The following IL1RAPL1 variants were observed in gnomAD, a reference collection of about 807,000 sequenced individuals.
IL1RAPL1 encodes the protein interleukin 1 receptor accessory protein like 1.
In IL1RAPL1, 3 loss-of-function variants were observed where a neutral mutation model predicts 48.4. That is an observed-to-expected ratio of 0.06 (90% CI 0.03 to 0.16). The LOEUF is 0.16. IL1RAPL1 is among the 10% of genes least tolerant of loss of function. The probability of loss-of-function intolerance (pLI) is 1.00; values close to 1 mark genes in which losing one functional copy is unlikely to be tolerated. For synonymous variants in IL1RAPL1, 185 were observed against 187.7 expected, an observed-to-expected ratio of 0.99 and a Z score of 0.12; for missense variants, 349 against 530.6, an observed-to-expected ratio of 0.66 and a Z score of 3.36.
chrX:29,881,261 G>C (rs1932025315), intron 6 of IL1RAPL1, among the ~76,000 whole-genome samples: 2 of 111,306 alleles, frequency 1.8e-5, no homozygotes, highest in Admixed American at 9.6e-5. Context: ...CCACCAAGCT[G>C]TCAGGGAGCA....
chrX:29,779,274 A>G (rs1253064410), intron 6 of IL1RAPL1, among the ~76,000 whole-genome samples: 2 of 111,518 alleles, frequency 1.8e-5, no homozygotes, highest in African/African-American at 6.5e-5. Flanking sequence ...TCAATTTACA[A>G]ACTGGGATTC....
chrX:29,319,156 G>GTCTA (rs1399121646), intron 3 of IL1RAPL1, among the ~76,000 whole-genome samples: 28 of 53,340 alleles, frequency 5.2e-4, no homozygotes, highest in African/African-American at 1.8e-3. Flanking sequence ...CTGTCTATCT[G>GTCTA]TCTGTCTATC....
At chrX:28,753,542 A>G (rs1353009288) in intron 1 of IL1RAPL1, among the ~76,000 whole-genome samples, 1 of 112,402 alleles carries the variant, frequency 8.9e-6, no homozygotes, top group Non-Finnish European at 1.9e-5. Flanking sequence ...TTAATAATGC[A>G]TCGTATAATC....
chrX:29,325,483 A>G (rs947682918), intron 3 of IL1RAPL1, among the ~76,000 whole-genome samples: 13 of 112,142 alleles, frequency 1.2e-4, no homozygotes, highest in Non-Finnish European at 2.3e-4. Context: ...TGCCATCTCT[A>G]TTCTTTCTAC....
chrX:29,835,186 A>G (rs1202997971), intron 6 of IL1RAPL1, among the ~76,000 whole-genome samples: 1 of 111,897 alleles, frequency 8.9e-6, no homozygotes, highest in Non-Finnish European at 1.9e-5. Flanking sequence ...CCCAAATTCT[A>G]AATATTACTG....
chrX:28,752,926 T>A (rs2147246944), intron 1 of IL1RAPL1, among the ~76,000 whole-genome samples: 1 of 112,362 alleles, frequency 8.9e-6, no homozygotes, highest in South Asian at 3.7e-4. Flanking sequence ...CAGAAAGAGG[T>A]TTACTTATGT....
At chrX:28,730,479 A>G (rs1935740598) in intron 1 of IL1RAPL1, among the ~76,000 whole-genome samples, 2 of 112,085 alleles carry the variant, frequency 1.8e-5, no homozygotes, top group Admixed American at 1.9e-4. Flanking sequence ...TATCTAACAT[A>G]GAATGAACAT....
intron 5 of IL1RAPL1, among the ~76,000 whole-genome samples, chrX:29,652,918 C>T (rs1925562266): frequency 9.0e-6 from 1 of 111,626 alleles, no homozygotes; most frequent in African/African-American, 3.2e-5. Context: ...ATTCTTCTAC[C>T]CTAAAGTAAA....
At chrX:29,823,641 G>A (rs755111703) in intron 6 of IL1RAPL1, among the ~76,000 whole-genome samples, 22 of 112,016 alleles carry the variant, frequency 2.0e-4, no homozygotes, top group Non-Finnish European at 3.8e-4. Flanking sequence ...AGTTTCTAAA[G>A]GGTCAATTCT....
intron 2 of IL1RAPL1, among the ~76,000 whole-genome samples, chrX:29,030,632 C>T (rs1926596606): frequency 9.0e-6 from 1 of 111,368 alleles, no homozygotes; most frequent in Non-Finnish European, 1.9e-5. Flanking sequence ...TTTTGAATTT[C>T]AAATCTCCTA....
chrX:29,609,552 C>T (rs775769141), intron 5 of IL1RAPL1, among the ~76,000 whole-genome samples: 2 of 111,926 alleles, frequency 1.8e-5, no homozygotes, highest in African/African-American at 6.5e-5. Context: ...ACCACCCTAG[C>T]CTTCAATGAT....
At chrX:29,668,406 A>G in intron 5 of IL1RAPL1, 24 bp from the exon 6 acceptor site, 2 of 1,140,436 alleles carry the variant, frequency 1.8e-6, no homozygotes, top group African/African-American at 3.5e-5. Context: ...AAGTCTCTGT[A>G]TTATTATTGT....
intron 2 of IL1RAPL1, among the ~76,000 whole-genome samples, chrX:29,207,489 T>C (rs1049038790): frequency 2.7e-5 from 3 of 112,216 alleles, no homozygotes; most frequent in African/African-American, 6.5e-5. Context: ...TCTTGCACTA[T>C]GTAGTATTTC....
chrX:29,363,490 C>T lies in IL1RAPL1; in HGVS notation c.363-32768C>T, dbSNP rs1223406046. On this transcript the variant is annotated intron_variant, in intron 3 of 10. Coordinates refer to ENST00000378993, the MANE Select transcript of IL1RAPL1 (RefSeq NM_014271.4). ...GTATTTGCATAGATTAGTATATGCC[C>T]AGAATTCAAAATTTAGAAAAAATAC... is the stretch of plus-strand genomic sequence containing the variant. Among the ~76,000 whole-genome samples, 3 of 111,175 alleles carry T rather than the reference C, an allele frequency of 2.7e-5. No homozygotes were observed. The East Asian group carries it at 8.4e-4, about 31-fold the overall frequency.
chrX:29,645,671 A>C (rs1437401978), intron 5 of IL1RAPL1, among the ~76,000 whole-genome samples: 1 of 111,741 alleles, frequency 8.9e-6, no homozygotes, highest in Admixed American at 9.5e-5. Flanking sequence ...AATAACCCAC[A>C]GTGATAGGCA....
At chrX:29,678,923 G>A (rs1380958512) in intron 6 of IL1RAPL1, among the ~76,000 whole-genome samples, 1 of 111,257 alleles carries the variant, frequency 9.0e-6, no homozygotes, top group Non-Finnish European at 1.9e-5. Flanking sequence ...GTCCAAGAGA[G>A]TGAATAATTT....
At chrX:29,611,525 C>A (rs1413703032) in intron 5 of IL1RAPL1, among the ~76,000 whole-genome samples, 2 of 111,934 alleles carry the variant, frequency 1.8e-5, no homozygotes, top group African/African-American at 6.5e-5. Context: ...CCAAGCTGTA[C>A]CCTGACCACC....
intron 2 of IL1RAPL1, among the ~76,000 whole-genome samples, chrX:28,918,861 T>C (rs1923550359): frequency 9.0e-6 from 1 of 111,611 alleles, no homozygotes; most frequent in African/African-American, 3.3e-5. Flanking sequence ...GTAGGTCATA[T>C]AAAACCTTGT....
intron 2 of IL1RAPL1, among the ~76,000 whole-genome samples, chrX:29,260,382 C>T (rs1462967535): frequency 8.9e-6 from 1 of 111,853 alleles, no homozygotes; most frequent in Non-Finnish European, 1.9e-5. Context: ...GCTAGGGAGG[C>T]CTCACAATCA....
Sources: allele counts gnomAD v4.1 joint callset (sites outside exome capture counted in the v4.1 genomes callset), GRCh38; gene constraint gnomAD v4.1.1; transcripts MANE v1.5; gene names NCBI Gene and HGNC (gene_info 2026-07-23, HGNC 2026-07-21).